Variants in GNAQ observed in about 807,000 individuals in gnomAD.
The protein encoded by GNAQ is guanine nucleotide-binding protein G(q) subunit alpha.
GNAQ carries 8 observed loss-of-function variants against 43.9 expected under a neutral mutation model. That is an observed-to-expected ratio of 0.18 (90% CI 0.11 to 0.33). The LOEUF (loss-of-function observed/expected upper bound fraction) is 0.33, where lower values mean the gene tolerates loss of function less well. GNAQ is among the 10% of genes least tolerant of loss of function. The pLI is 1.00. For synonymous variants in GNAQ, 155 were observed against 170.7 expected (o/e 0.91, Z 0.71); for missense variants, 158 against 450.8 (o/e 0.35, Z 5.88).
intron 1 of GNAQ, among the ~76,000 whole-genome samples, chr9:77,984,304 A>C (rs7857299): frequency 6.6e-6 from 1 of 151,646 alleles, no homozygotes; most frequent in Non-Finnish European, 1.5e-5. Flanking sequence ...TGAGTAGCTG[A>C]GACTACTGGC....
chr9:77,954,473 T>C (rs574038489), intron 1 of GNAQ, among the ~76,000 whole-genome samples: 3 of 152,324 alleles, frequency 2.0e-5, no homozygotes, highest in Non-Finnish European at 4.4e-5. Flanking sequence ...ATCTTGATGC[T>C]TGATAAAACA....
At chr9:77,731,891 T>C (rs185725943) in intron 5 of GNAQ, among the ~76,000 whole-genome samples, 14 of 152,290 alleles carry the variant, frequency 9.2e-5, no homozygotes, top group African/African-American at 2.6e-4. Context: ...CTTCTTTTTT[T>C]CCCCCCAATT....
intron 5 of GNAQ, among the ~76,000 whole-genome samples, chr9:77,783,728 C>A (rs77300678): frequency 6.6e-6 from 1 of 152,094 alleles, no homozygotes; most frequent in Admixed American, 6.5e-5. Flanking sequence ...CCTGTATAAC[C>A]GCATTATTTT....
At chr9:78,004,300 T>G (rs913018100) in intron 1 of GNAQ, among the ~76,000 whole-genome samples, 2 of 151,260 alleles carry the variant, frequency 1.3e-5, no homozygotes, top group Admixed American at 6.6e-5. Flanking sequence ...AAAAATTAAT[T>G]AAGTTAAATG....
intron 2 of GNAQ, among the ~76,000 whole-genome samples, chr9:77,865,516 C>T (rs550903094): frequency 1.4e-4 from 22 of 152,268 alleles, no homozygotes; most frequent in Admixed American, 1.2e-3. Context: ...GAGCAAAGTC[C>T]ATGGAGCTGT....
intron 1 of GNAQ, among the ~76,000 whole-genome samples, chr9:78,021,585 T>C (rs1823909525): frequency 6.6e-6 from 1 of 152,106 alleles, no homozygotes; most frequent in Admixed American, 6.5e-5. Flanking sequence ...TGGAAAGCCC[T>C]AGAAAAGAGA....
rs115615889 is a variant in GNAQ at position 77,973,154 on chromosome 9, T to C, written c.137-50809A>G. 6.8e-3 allele frequency among the ~76,000 whole-genome samples: 1,031 copies of C among 152,198 alleles called. 15 individuals carry two copies. The highest frequency in any genetic ancestry group is 0.023 in the African/African-American group (957 of 41,514). On this transcript the variant is annotated intron_variant, in intron 1 of 6. Transcript: ENST00000286548. ...GGTTAACAAATGATTCTAAATTTTA[T>C]ATGAAGAATAAATGTGTGGGAATGG...
intron 6 of GNAQ, among the ~76,000 whole-genome samples, chr9:77,722,354 C>T (rs755112464): frequency 2.6e-5 from 4 of 152,016 alleles, no homozygotes; most frequent in Non-Finnish European, 5.9e-5. Flanking sequence ...CCAGGCTGTT[C>T]TCAAACTCCT....
chr9:77,915,513 C>G (rs1828885651), intron 2 of GNAQ, among the ~76,000 whole-genome samples: 3 of 152,038 alleles, frequency 2.0e-5, no homozygotes, highest in Non-Finnish European at 4.4e-5. Flanking sequence ...CTTATAACTT[C>G]AAAACTTTCA....
intron 2 of GNAQ, among the ~76,000 whole-genome samples, chr9:77,840,353 GTT>G (rs397701613): frequency 2.8e-5 from 4 of 142,390 alleles, no homozygotes; most frequent in Non-Finnish European, 1.5e-5. Context: ...ATTACTTTTT[GTT>G]TTTTTTTTTT....
intron 1 of GNAQ, among the ~76,000 whole-genome samples, chr9:78,017,443 A>G (rs1424972965): frequency 6.6e-6 from 1 of 152,252 alleles, no homozygotes; most frequent in Middle Eastern, 3.2e-3. Flanking sequence ...CTGAATGAAA[A>G]AAATCCAATT....
chr9:77,940,947 G>C (rs1452384338), intron 1 of GNAQ, among the ~76,000 whole-genome samples: 3 of 150,766 alleles, frequency 2.0e-5, no homozygotes, highest in Non-Finnish European at 2.9e-5. Context: ...CTGGGCGACA[G>C]AGCGAGACTC....
chr9:77,778,430 A>G (rs1587912426), intron 5 of GNAQ, among the ~76,000 whole-genome samples: 1 of 152,148 alleles, frequency 6.6e-6, no homozygotes, highest in Middle Eastern at 3.4e-3. Flanking sequence ...TAAAAGAAGT[A>G]TAACGAATAT....
At chr9:77,822,123 G>A (rs1015898160) in intron 2 of GNAQ, among the ~76,000 whole-genome samples, 15 of 152,260 alleles carry the variant, frequency 9.9e-5, no homozygotes, top group African/African-American at 3.6e-4. Context: ...CTAGAAAGGT[G>A]CTATAAATCC....
intron 1 of GNAQ, among the ~76,000 whole-genome samples, chr9:77,972,153 T>C (rs1042878957): frequency 1.3e-5 from 2 of 151,850 alleles, no homozygotes; most frequent in East Asian, 1.9e-4. Flanking sequence ...ATAATAACAA[T>C]TAAAATGAAA....
chr9:78,019,013 G>A (rs956736885), intron 1 of GNAQ, among the ~76,000 whole-genome samples: 3 of 152,026 alleles, frequency 2.0e-5, no homozygotes, highest in African/African-American at 7.2e-5. Context: ...AGAGTAGAAA[G>A]CCCTACAAAA....
chr9:78,004,861 T>C (rs1461844291), intron 1 of GNAQ, among the ~76,000 whole-genome samples: 66 of 151,828 alleles, frequency 4.3e-4, no homozygotes, highest in East Asian at 5.9e-4. Flanking sequence ...GCAACAAATA[T>C]CTGAGGAGGG....
At chr9:77,810,599 A>G (rs1261833757) in intron 3 of GNAQ, among the ~76,000 whole-genome samples, 1 of 152,212 alleles carries the variant, frequency 6.6e-6, no homozygotes. Flanking sequence ...AACAGCAGGA[A>G]AAAAGACTTG....
chr9:78,028,294 GT>G (rs1257898342), intron 1 of GNAQ, among the ~76,000 whole-genome samples: 4 of 151,944 alleles, frequency 2.6e-5, no homozygotes, highest in Non-Finnish European at 5.9e-5. Flanking sequence ...CAGGGTTCAC[GT>G]TTCTAAAGTT....
Sources: gnomAD v4.1 joint callset for allele counts (sites outside exome capture counted in the v4.1 genomes callset) on GRCh38, gnomAD v4.1.1 for gene constraint, MANE v1.5 for transcripts, NCBI Gene and HGNC (gene_info 2026-07-23, HGNC 2026-07-21) for gene names.